The following MTF1 variants were observed in gnomAD, a reference collection of about 807,000 sequenced individuals.
MTF1 encodes metal regulatory transcription factor 1.
A neutral mutation model predicts 70.4 loss-of-function variants in MTF1; 22 were observed. The ratio of observed to expected loss-of-function variants is 0.31; its 90% CI spans 0.22 to 0.45. The LOEUF is 0.45. Ranked by LOEUF, MTF1 falls within the 20% of genes least tolerant of loss-of-function variation. The probability of loss-of-function intolerance (pLI) is 1.00; values close to 1 mark genes in which losing one functional copy is unlikely to be tolerated. For missense variants in MTF1, 649 were observed against 922.0 expected, an observed-to-expected ratio of 0.70 and a Z score of 3.83; for synonymous variants, 333 against 352.8, an observed-to-expected ratio of 0.94 and a Z score of 0.63.
chr1:37,857,733 T>TA (rs1641520525), intron 1 of MTF1, 24 bp from the exon 2 acceptor site: 1 of 1,483,778 alleles, frequency 6.7e-7, no homozygotes, highest in Non-Finnish European at 9.2e-7. Flanking sequence ...AAGCCAGAGT[T>TA]AGAGTCATAC....
chr1:37,810,479 G>C lies in MTF1; in HGVS notation c.*4657C>G, dbSNP rs1180809389. ...CTGAGAAGCCCTCTCTTGAACAGGA[G>C]TAACAGTGAGAAATGCCCAGTGGTC... On this transcript the variant is annotated 3_prime_UTR_variant, in exon 11 of 11. Transcript: ENST00000373036. 1.3e-5 allele frequency: 2 copies of C among 152,136 alleles called. No homozygotes were observed. The highest frequency in any genetic ancestry group is 4.8e-5 in the African/African-American group (2 of 41,392). 9.4% of individuals were successfully genotyped at this position (152,136 alleles called of 1,614,324 possible). A position where few individuals can be genotyped will look rare whatever the true frequency, so the allele number is the denominator to read the frequency against.
intron 2 of MTF1, among the ~76,000 whole-genome samples, chr1:37,849,011 A>G (rs1158501767): frequency 2.0e-5 from 3 of 152,218 alleles, no homozygotes; most frequent in African/African-American, 7.2e-5. Flanking sequence ...CACTGGAGTC[A>G]GATTTTTCCT....
Position 37,815,936 on chromosome 1 carries a change from C to G in MTF1, c.1832-370G>C, listed in dbSNP as rs531954961. Among the ~76,000 whole-genome samples, 29 of 152,288 alleles carry G rather than the reference C, an allele frequency of 1.9e-4. No individual in the cohort carries two copies. The highest frequency in any genetic ancestry group is 6.7e-4 in the African/African-American group (28 of 41,566). On this transcript the variant is annotated intron_variant, in intron 10 of 10. Coordinates refer to ENST00000373036, the MANE Select transcript of MTF1 (RefSeq NM_005955.3). This position sits in a 1 kb window ranked among gnomAD's most constrained non-coding sequence, Gnocchi z 4.5. ...CTTCCTTACGACTAAAATCCCTGGA[C>G]ACCTCTCTTCTGGAGAACTGACACT... is the stretch of plus-strand genomic sequence containing the variant.
chr1:37,827,196 T>C (rs1484417694), intron 7 of MTF1, among the ~76,000 whole-genome samples: 5 of 152,114 alleles, frequency 3.3e-5, no homozygotes, highest in Admixed American at 6.6e-5. Context: ...TCCTCTGATT[T>C]TTTTTCTATT....
intron 7 of MTF1, among the ~76,000 whole-genome samples, chr1:37,826,871 C>T (rs1016920270): frequency 1.3e-5 from 2 of 151,996 alleles, no homozygotes; most frequent in Non-Finnish European, 2.9e-5. Context: ...CCTAGCTACT[C>T]GGGACGCTGA....
chr1:37,820,736 C>T (rs976878959), intron 9 of MTF1, among the ~76,000 whole-genome samples: 6 of 152,218 alleles, frequency 3.9e-5, no homozygotes, highest in African/African-American at 1.4e-4. Context: ...TAGAACTGTA[C>T]AGCACAAAGA....
Position 37,830,768 on chromosome 1 carries a change from G to A in MTF1, c.1068+1477C>T, listed in dbSNP as rs542279332. ...TAACTTCATCTCCCTTGCAGTGGAT[G>A]CAGCTATGATCTTTGTGTAGATCTT... On this transcript the variant is annotated intron_variant, in intron 7 of 10. Transcript: ENST00000373036. Among the ~76,000 whole-genome samples the A allele has an allele frequency of 5.4e-4, 82 of 152,322 alleles. 1 individual carries two copies. The highest frequency in any genetic ancestry group is 1.8e-3 in the African/African-American group (76 of 41,586).
At chr1:37,817,373 G>T (rs774059869) in intron 10 of MTF1, 46 bp downstream of exon 10, 1 of 1,170,474 alleles carries the variant, frequency 8.5e-7, no homozygotes, top group Non-Finnish European at 1.3e-6. Context: ...TGCCTCAAGG[G>T]ACCCACAGAG....
intron 2 of MTF1, among the ~76,000 whole-genome samples, chr1:37,853,451 G>A (rs1427911783): frequency 1.3e-5 from 2 of 152,118 alleles, no homozygotes; most frequent in Non-Finnish European, 2.9e-5. Flanking sequence ...TTTATGTATT[G>A]TCTATGGCTG....
chr1:37,840,239 A>T lies in MTF1; in HGVS notation c.409-81T>A. ...TCCCCCACCCAGAGCTCAGCTCCCA[A>T]GAGATGCTGTGGACAATACAACTGG... On this transcript the variant is annotated intron_variant, in intron 2 of 10. Coordinates refer to ENST00000373036, the MANE Select transcript of MTF1 (RefSeq NM_005955.3). This position sits in a 1 kb window ranked among gnomAD's most constrained non-coding sequence, Gnocchi z 4.5. 1 of 1,271,954 alleles carries T rather than the reference A, an allele frequency of 7.9e-7. No individual in the cohort carries two copies. Among genetic ancestry groups the T allele is most frequent in the Middle Eastern group, 2.4e-4 (1 of 4,164 alleles). 78.8% of individuals were successfully genotyped at this position (1,271,954 alleles called of 1,614,324 possible). A position where few individuals can be genotyped will look rare whatever the true frequency, so the allele number is the denominator to read the frequency against.
At chr1:37,849,835 T>A (rs1355878045) in intron 2 of MTF1, among the ~76,000 whole-genome samples, 1 of 152,058 alleles carries the variant, frequency 6.6e-6, no homozygotes, top group African/African-American at 2.4e-5. Context: ...TACAGTGAGC[T>A]ATGATGATGG....
rs1640753213 is a variant in MTF1 at position 37,812,577 on chromosome 1, C to G, written c.*2559G>C. On this transcript the variant is annotated 3_prime_UTR_variant, in exon 11 of 11. Transcript: ENST00000373036. ...TCTTTGAGAGTGAAAAGGCCACTGA[C>G]CTGGGTAGGGCCCAACATGAGCACA... 1 of 152,264 alleles carries G rather than the reference C, an allele frequency of 6.6e-6. No individual in the cohort carries two copies. Among genetic ancestry groups the G allele is most frequent in the South Asian group, 2.1e-4 (1 of 4,836 alleles). 9.4% of individuals were successfully genotyped at this position (152,264 alleles called of 1,614,324 possible). A position where few individuals can be genotyped will look rare whatever the true frequency, so the allele number is the denominator to read the frequency against.
intron 2 of MTF1, among the ~76,000 whole-genome samples, chr1:37,843,268 T>C (rs138044346): frequency 1.1e-3 from 169 of 152,092 alleles, no homozygotes; most frequent in African/African-American, 3.9e-3. Flanking sequence ...CCCAAAGCAA[T>C]AGGACTACAG....
intron 5 of MTF1, 67 bp from the exon 6 acceptor site, chr1:37,835,282 T>G: frequency 7.2e-7 from 1 of 1,382,110 alleles, no homozygotes; most frequent in Non-Finnish European, 1.0e-6. Flanking sequence ...AAATCTACCT[T>G]TCCCTAATAG....
In MTF1 at chr1:37,842,429, C is replaced by T. The variant is rs770176440; in HGVS notation, c.409-2271G>A. 2.3e-3 allele frequency among the ~76,000 whole-genome samples: 346 copies of T among 152,224 alleles called. 2 individuals are homozygous for T. Among genetic ancestry groups the T allele is most frequent in the Non-Finnish European group, 2.8e-3 (193 of 68,038 alleles). ...CTGTAAGAAATTATTCTCTTAACTT[C>T]CCGGTAGTCAGACTCTTTCGTCCTT... On this transcript the variant is annotated intron_variant, in intron 2 of 10. Transcript: ENST00000373036.
chr1:37,840,283 G>A lies in MTF1; in HGVS notation c.409-125C>T, dbSNP rs1569871720. 2 of 803,002 alleles carry A rather than the reference G, an allele frequency of 2.5e-6. No individual in the cohort carries two copies. 49.7% of individuals were successfully genotyped at this position (803,002 alleles called of 1,614,324 possible). On this transcript the variant is annotated intron_variant, in intron 2 of 10. Transcript: ENST00000373036. This position sits in a 1 kb window ranked among gnomAD's most constrained non-coding sequence, Gnocchi z 4.5. ...CAACTGGGTTTTCATCATAAACACA[G>A]AAAACAGCCTCTAGCAGCAAAGTGG...
In MTF1 at chr1:37,817,478, T is replaced by G. The variant is rs1200923966; in HGVS notation, c.1772A>C (p.Gln591Pro). 3 of 1,610,848 alleles carry G rather than the reference T, an allele frequency of 1.9e-6. No individual in the cohort carries two copies. Among genetic ancestry groups the G allele is most frequent in the Non-Finnish European group, 2.5e-6 (3 of 1,177,016 alleles). The change falls in exon 10 of 11, where the codon CAA becomes CCA. Residue 591 changes from glutamine to proline, a missense_variant. This residue lies in a region of MTF1 where 39 missense variants were observed against 97.8 expected (regional missense o/e 0.40). Transcript: ENST00000373036. Reference sequence around the variant, plus strand: ...AAACACCTTCTCAACTTTAGATGCTTGCTGCTGAAAAAAGAAAAAGAAATC... The same window carrying G: ...AAACACCTTCTCAACTTTAGATGCTGGCTGCTGAAAAAAGAAAAAGAAATC... The part of the protein sequence containing the change: ...SSPQNQEQIQ[Q>P]ASKVEKVFFT...
intron 7 of MTF1, among the ~76,000 whole-genome samples, chr1:37,825,077 G>A (rs1254315477): frequency 1.3e-5 from 2 of 152,120 alleles, no homozygotes; most frequent in Non-Finnish European, 2.9e-5. Flanking sequence ...AAGGGCAACT[G>A]CCTACAAAGT....
At chr1:37,822,840 G>A in intron 8 of MTF1, 124 bp from the exon 9 acceptor site, 2 of 648,940 alleles carry the variant, frequency 3.1e-6, no homozygotes, top group Non-Finnish European at 5.2e-6. Flanking sequence ...TTCATAGCTA[G>A]CAGGCCAGCT....
Sources: gnomAD v4.1 joint callset for allele counts (sites outside exome capture counted in the v4.1 genomes callset) on GRCh38, gnomAD v4.1.1 for gene constraint, gnomAD v4.1.1 regional missense constraint, Gnocchi (gnomAD v3.1) non-coding constraint, MANE v1.5 for transcripts, NCBI Gene and HGNC (gene_info 2026-07-23, HGNC 2026-07-21) for gene names.